POLG: variants seen among roughly 807,000 people sequenced by gnomAD.
POLG encodes the protein DNA polymerase subunit gamma-1.
Under a neutral mutation model 155.4 loss-of-function variants are expected in POLG, and 110 were observed. That is an observed-to-expected ratio of 0.71 (90% CI 0.61 to 0.83). The LOEUF (loss-of-function observed/expected upper bound fraction) is 0.83. POLG is among the 40% of genes least tolerant of loss of function. POLG has a pLI of 0.00. For synonymous variants in POLG, 701 were observed against 631.5 expected (o/e 1.11, Z -1.65); for missense variants, 1,685 against 1,627.5 (o/e 1.04, Z -0.61).
rs1459595278 is a variant in POLG, at chr15:89,325,241, AGT to A, written c.1949+207_1949+208del. Among the ~76,000 whole-genome samples, 54 of 104,592 alleles carry A rather than the reference AGT, an allele frequency of 5.2e-4. 12 individuals carry two copies. Among genetic ancestry groups the A allele is most frequent in the Non-Finnish European group, 7.3e-4 (38 of 51,814 alleles). 68.6% of individuals were successfully genotyped at this position (104,592 alleles called of 152,430 possible). A position where few individuals can be genotyped will look rare whatever the true frequency, so the allele number is the denominator to read the frequency against. ...GAGTGAGAGAGTGAGTGAGAGAGTG[AGT>A]GAGTGAGAGAGAGAGTGAGTGAGTG... is the stretch of plus-strand genomic sequence containing the variant. On this transcript the variant is annotated intron_variant, in intron 10 of 22. Transcript: ENST00000268124.
chr15:89,326,824 G>C (rs757540482), intron 8 of POLG, 86 bp from the exon 9 acceptor site: 2 of 1,610,804 alleles, frequency 1.2e-6, no homozygotes, highest in South Asian at 2.2e-5. Flanking sequence ...CAGAAGGCTG[G>C]AGCAATCCTT....
rs1370921826 is a variant in POLG, at chr15:89,328,992, G to T, written c.974C>A (p.Pro325His). ...AKQGKHKVQP[P>H]TKQGQKSQRK... ...CTGGGACTTCTGGCCTTGCTTTGTG[G>T]GGGGCTGGACCTTGTGTTTGCCCTG... Residue 325 changes from proline to histidine, a missense_variant, in exon 4 of 23, where the codon CCC (proline) becomes CAC (histidine). Pro to His is a moderately conservative substitution (Grantham distance 77, BLOSUM62 -2). Transcript: ENST00000268124. 6.2e-7 allele frequency: 1 copy of T among 1,613,750 alleles called. No homozygotes were observed. The highest frequency in any genetic ancestry group is 1.1e-5 in the South Asian group (1 of 91,056).
Position 89,334,780 on chromosome 15 carries a change from C to CA in POLG, c.-268dup, listed in dbSNP as rs1379928706. 1 of 152,370 alleles carries CA rather than the reference C, an allele frequency of 6.6e-6. No homozygotes were observed. Among genetic ancestry groups the CA allele is most frequent in the Non-Finnish European group, 1.5e-5 (1 of 68,134 alleles). 9.4% of individuals were successfully genotyped at this position (152,370 alleles called of 1,614,324 possible). A position where few individuals can be genotyped will look rare whatever the true frequency, so the allele number is the denominator to read the frequency against. On this transcript the variant is annotated 5_prime_UTR_variant, in exon 1 of 23. Transcript: ENST00000268124. ...CAGCCTCGGGGTAGCGTGTGGCCTC[C>CA]ACCCGGCCGGTCCGCTTCGCTGGCA...
At position 89,327,034 on chromosome 15, in the gene POLG, A is replaced by G. The variant is rs2055530987; in HGVS notation, c.1463T>C (p.Leu488Pro). 6.2e-7 allele frequency: 1 copy of G among 1,614,066 alleles called. No homozygotes were observed. Among genetic ancestry groups the G allele is most frequent in the Non-Finnish European group, 8.5e-7 (1 of 1,180,032 alleles). Residue 488 changes from leucine (L) to proline (P), a missense_variant, in exon 8 of 23, where the codon CTG becomes CCG. Leu to Pro is a moderately conservative substitution (Grantham distance 98). Transcript: ENST00000268124. ...RYKEDPWLWD[L>P]EWDLQEFKQK... is the part of the protein sequence containing the mutation. The stretch of plus-strand genomic sequence containing the variant: ...CTTAAATTCTTGCAGGTCCCACTCC[A>G]GGTCCCAGAGCCAGGGGTCTTCTTT...
chr15:89,325,257 AGTG>A (rs1567189985), intron 10 of POLG, among the ~76,000 whole-genome samples, 190 bp downstream of exon 10: 6 of 92,114 alleles, frequency 6.5e-5, no homozygotes, highest in Admixed American at 9.6e-5. Flanking sequence ...TGAGAGAGAG[AGTG>A]AGTGAGTGAG....
rs901652858 is a variant in POLG at position 89,333,506 on chromosome 15, C to G, written c.249G>C (p.Leu83=). ...PLDIQMLSRG[L]HEQIFGQGGE... The stretch of plus-strand genomic sequence containing the variant: ...CTCCTTGCCCGAAGATTTGCTCGTG[C>G]AGCCCTCTCGAGAGCATCTGGATGT... Residue 83 remains leucine, a synonymous_variant, in exon 2 of 23, where the codon CTG becomes CTC. Coordinates refer to ENST00000268124, the MANE Select transcript of POLG (RefSeq NM_002693.3). 18 of 1,612,806 alleles carry G rather than the reference C, an allele frequency of 1.1e-5. No individual in the cohort carries two copies. The highest frequency in any genetic ancestry group is 1.5e-5 in the Non-Finnish European group (18 of 1,179,700).
At chr15:89,334,147 A>C (rs1018478443) in intron 1 of POLG, 1 of 335,296 alleles carries the variant, frequency 3.0e-6, no homozygotes, top group Non-Finnish European at 5.6e-6. Context: ...CGAGTAAGAG[A>C]GCAGTATCTG....
Position 89,318,645 on chromosome 15 carries a change from A to G in POLG, c.3378T>C (p.Asp1126=). ...MKWLFEEFAI[D]GRFCISIHDE... ...CATGGATGCTGATGCAGAAGCGCCC[A>G]TCTATGGCAAACTCTTCAAACAGCC... Residue 1126 remains aspartate, a synonymous_variant, in exon 21 of 23, where the codon GAT becomes GAC. Coordinates refer to ENST00000268124, the MANE Select transcript of POLG (RefSeq NM_002693.3). The G allele has an allele frequency of 1.2e-6, 2 of 1,614,230 alleles. No individual in the cohort carries two copies. Among genetic ancestry groups the G allele is most frequent in the South Asian group, 1.1e-5 (1 of 91,086 alleles).
At chr15:89,321,530 A>G (rs2055396006) in intron 16 of POLG, among the ~76,000 whole-genome samples, 1 of 152,228 alleles carries the variant, frequency 6.6e-6, no homozygotes, top group Admixed American at 6.5e-5. Context: ...TACGCCTGTC[A>G]CGGTCTGGCC....
At chr15:89,328,860 G>GATCA in intron 4 of POLG, 29 bp from the exon 5 acceptor site, 1 of 1,614,050 alleles carries the variant, frequency 6.2e-7, no homozygotes, top group Non-Finnish European at 8.5e-7. Context: ...GGACATGGCA[G>GATCA]ATCAGCCTGG....
At position 89,333,391 on chromosome 15, in the gene POLG, C is replaced by A. The variant is rs2055621716; in HGVS notation, c.364G>T (p.Asp122Tyr). ...LWGQPAVPLP[D>Y]VELRLPPLYG... is the part of the protein sequence containing the mutation. ...AGGGGCGGCAGGCGCAGCTCCACGT[C>A]GGGCAAGGGCACGGCTGGCTGCCCC... is the stretch of plus-strand genomic sequence containing the variant. The change falls in exon 2 of 23, where the codon GAC becomes TAC. Residue 122 changes from aspartate to tyrosine, a missense_variant. By Grantham distance (160) the Asp-to-Tyr change is radical. Transcript: ENST00000268124. 2 of 1,589,364 alleles carry A rather than the reference C, an allele frequency of 1.3e-6. No homozygotes were observed. The highest frequency in any genetic ancestry group is 1.7e-6 in the Non-Finnish European group (2 of 1,171,184).
At chr15:89,318,864 T>TC in intron 20 of POLG, 67 bp downstream of exon 20, 1 of 1,582,202 alleles carries the variant, frequency 6.3e-7, no homozygotes, top group Non-Finnish European at 8.7e-7. Flanking sequence ...ATTGGTAAGG[T>TC]CCACAGGGAG....
intron 3 of POLG, 92 bp downstream of exon 3, chr15:89,329,989 G>A (rs1024006638): frequency 3.5e-5 from 38 of 1,083,054 alleles, no homozygotes; most frequent in Non-Finnish European, 4.9e-5. Flanking sequence ...ACAGAGACAC[G>A]TGCCAGGAAA....
Position 89,326,897 on chromosome 15 carries a change from AC to A in POLG, c.1585+14del. On this transcript the variant is annotated intron_variant, in intron 8 of 22. Coordinates refer to ENST00000268124, the MANE Select transcript of POLG (RefSeq NM_002693.3). Reference sequence around the variant, plus strand: ...CAACCCCTACCCTACCCTACCTCCCACCCATGCTCCCCACCTTCCTGATCCA... The same window carrying A: ...CAACCCCTACCCTACCCTACCTCCCACCATGCTCCCCACCTTCCTGATCCA... 1 of 1,613,490 alleles carries A rather than the reference AC, an allele frequency of 6.2e-7. No homozygotes were observed. Among genetic ancestry groups the A allele is most frequent in the Non-Finnish European group, 8.5e-7 (1 of 1,179,768 alleles).
rs143227213 is a variant in POLG, at chr15:89,325,153, AGT to A, written c.1949+295_1949+296del. Among the ~76,000 whole-genome samples the A allele has an allele frequency of 1.9e-4, 18 of 94,966 alleles. 2 individuals are homozygous for A. Among genetic ancestry groups the A allele is most frequent in the African/African-American group, 5.8e-4 (14 of 24,036 alleles). The allele number at this position is 94,966 out of a possible 152,430, so 62.3% of individuals were successfully genotyped here. ...GAGAGAGTGAGTGAGAGAGTGAGTG[AGT>A]GAGTGAGTGAGTGAGAGAGTGAGAG... On this transcript the variant is annotated intron_variant, in intron 10 of 22. Transcript: ENST00000268124.
chr15:89,320,430 A>T (rs1438907550), intron 18 of POLG, among the ~76,000 whole-genome samples: 1 of 151,970 alleles, frequency 6.6e-6, no homozygotes, highest in Non-Finnish European at 1.5e-5. Flanking sequence ...CACCCACTCC[A>T]TTTGCTCTCA....
intron 6 of POLG, among the ~76,000 whole-genome samples, chr15:89,327,901 A>G (rs2055543703): frequency 6.6e-6 from 1 of 152,100 alleles, no homozygotes; most frequent in Admixed American, 6.5e-5. Flanking sequence ...TTTTCTCCTC[A>G]TGATTTTCTT....
At chr15:89,331,004 G>A (rs2055587202) in intron 2 of POLG, among the ~76,000 whole-genome samples, 1 of 152,198 alleles carries the variant, frequency 6.6e-6, no homozygotes, top group African/African-American at 2.4e-5. Context: ...GCTAGGTGTA[G>A]GGGAATGGCC....
Position 89,333,706 on chromosome 15 carries a change from C to G in POLG, c.49G>C (p.Gly17Arg). The change falls in exon 2 of 23, where the codon GGG (glycine) becomes CGG (arginine). Residue 17 changes from glycine to arginine, a missense_variant. Gly to Arg is a moderately radical substitution (Grantham distance 125, BLOSUM62 -2). Coordinates refer to ENST00000268124, the MANE Select transcript of POLG (RefSeq NM_002693.3). ...RKVAGATVGP[G>R]PVPAPGRWVS... Reference sequence around the variant, plus strand: ...CAGCGCCCCGGAGCTGGAACCGGCCCTGGCCCGACGGTGGCGCCGGCCACC... The same window carrying G: ...CAGCGCCCCGGAGCTGGAACCGGCCGTGGCCCGACGGTGGCGCCGGCCACC... 1 of 1,539,078 alleles carries G rather than the reference C, an allele frequency of 6.5e-7. No individual in the cohort carries two copies. The highest frequency in any genetic ancestry group is 8.7e-7 in the Non-Finnish European group (1 of 1,148,242).
Sources: allele counts gnomAD v4.1 joint callset (sites outside exome capture counted in the v4.1 genomes callset), GRCh38; gene constraint gnomAD v4.1.1; transcripts MANE v1.5; gene names NCBI Gene and HGNC (gene_info 2026-07-23, HGNC 2026-07-21).